The following NDUFS1 variants were observed in gnomAD, a reference collection of about 807,000 sequenced individuals.
NDUFS1 encodes the protein NADH:ubiquinone oxidoreductase core subunit S1.
A neutral mutation model predicts 84.4 loss-of-function variants in NDUFS1; 61 were observed. The observed-to-expected ratio is 0.72, with a 90% CI of 0.59 to 0.89. The LOEUF (loss-of-function observed/expected upper bound fraction) is 0.89, where lower values mean the gene tolerates loss of function less well. NDUFS1 is among the 40% of genes least tolerant of loss of function. The pLI, the probability that NDUFS1 is intolerant of heterozygous loss-of-function variation, is 0.00. For synonymous variants in NDUFS1, 275 were observed against 290.0 expected (o/e 0.95, Z 0.53); for missense variants, 891 against 890.0 (o/e 1.00, Z -0.01).
chr2:206,136,052 CTTCT>C (rs1691698376), intron 13 of NDUFS1, among the ~76,000 whole-genome samples: 1 of 136,886 alleles, frequency 7.3e-6, no homozygotes, highest in Non-Finnish European at 1.6e-5. Flanking sequence ...TTTTTTCTTT[CTTCT>C]TTTTGTTTTT....
chr2:206,132,986 A>G lies in NDUFS1; in HGVS notation c.1512T>C (p.Ser504=). Residue 504 remains serine (S), a synonymous_variant, in exon 14 of 19, where the codon AGT becomes AGC. Coordinates refer to ENST00000233190, the MANE Select transcript of NDUFS1 (RefSeq NM_005006.7). ...TAACTTTCCAATCACCAGTAACACC[A>G]CTAGTCATCCGAATCTTTTGTGCAA... ...SSIAQKIRMT[S]GVTGDWKVMN... 6.2e-7 allele frequency: 1 copy of G among 1,614,024 alleles called. No homozygotes were observed. The highest frequency in any genetic ancestry group is 1.1e-5 in the South Asian group (1 of 91,068).
intron 8 of NDUFS1, among the ~76,000 whole-genome samples, chr2:206,145,990 C>A (rs1043547753): frequency 6.6e-6 from 1 of 152,182 alleles, no homozygotes; most frequent in African/African-American, 2.4e-5. Context: ...TCAACCTATT[C>A]ATAAACTCCT....
At chr2:206,143,099 A>G (rs1692026310) in intron 10 of NDUFS1, among the ~76,000 whole-genome samples, 1 of 152,162 alleles carries the variant, frequency 6.6e-6, no homozygotes, top group African/African-American at 2.4e-5. Context: ...TAATAATACA[A>G]AAATCAGCTG....
At position 206,119,759 on chromosome 2, in the gene NDUFS1, C is replaced by G. The variant is rs1356070222; in HGVS notation, c.*4426G>C. 6.6e-6 allele frequency: 1 copy of G among 151,986 alleles called. No homozygotes were observed. The highest frequency in any genetic ancestry group is 1.5e-5 in the Non-Finnish European group (1 of 68,026). The allele number at this position is 151,986 out of a possible 1,614,324, so 9.4% of individuals were successfully genotyped here. On this transcript the variant is annotated 3_prime_UTR_variant, in exon 19 of 19. Transcript: ENST00000233190. ...GTATTCATTATAATACAATTTACTA[C>G]AAATTTGAGGGGGGAGGCTTTCCAT...
rs1388436471 is a variant in NDUFS1, at chr2:206,159,381, T to C, written c.-45A>G. ...GCGGAGGCTGTTCTGCTAAACTGTC[T>C]GGACCACGACGACCCCCTAGGAGGC... On this transcript the variant is annotated 5_prime_UTR_variant, in exon 1 of 19. Transcript: ENST00000233190. 7.1e-6 allele frequency: 4 copies of C among 567,044 alleles called. No homozygotes were observed. Among genetic ancestry groups the C allele is most frequent in the East Asian group, 5.8e-5 (2 of 34,778 alleles). 35.1% of individuals were successfully genotyped at this position (567,044 alleles called of 1,614,324 possible). A position where few individuals can be genotyped will look rare whatever the true frequency, so the allele number is the denominator to read the frequency against.
rs1312308273 is a variant in NDUFS1 at position 206,120,185 on chromosome 2, G to A, written c.*4000C>T. 6.6e-6 allele frequency: 1 copy of A among 152,250 alleles called. No homozygotes were observed. The highest frequency in any genetic ancestry group is 2.4e-5 in the African/African-American group (1 of 41,442). 9.4% of individuals were successfully genotyped at this position (152,250 alleles called of 1,614,324 possible). On this transcript the variant is annotated 3_prime_UTR_variant, in exon 19 of 19. Coordinates refer to ENST00000233190, the MANE Select transcript of NDUFS1 (RefSeq NM_005006.7). Reference sequence around the variant, plus strand: ...TGTGTACAGCCTGCAGAAACTGTAAGCCAATTAAATCTCTCTTTTGCAAGA... The same window carrying A: ...TGTGTACAGCCTGCAGAAACTGTAAACCAATTAAATCTCTCTTTTGCAAGA...
intron 1 of NDUFS1, among the ~76,000 whole-genome samples, chr2:206,154,393 G>T (rs1687548421): frequency 6.6e-6 from 1 of 152,194 alleles, no homozygotes; most frequent in African/African-American, 2.4e-5. Context: ...TCACAAACAA[G>T]GGGAAGTTAC....
chr2:206,148,708 A>C (rs958634097), intron 5 of NDUFS1, among the ~76,000 whole-genome samples: 3 of 152,196 alleles, frequency 2.0e-5, no homozygotes, highest in African/African-American at 7.2e-5. Flanking sequence ...ACATTAATTC[A>C]AAATAAAAAC....
At chr2:206,154,852 T>C (rs1687578351) in intron 1 of NDUFS1, among the ~76,000 whole-genome samples, 1 of 151,894 alleles carries the variant, frequency 6.6e-6, no homozygotes, top group Admixed American at 6.6e-5. Flanking sequence ...CTCGAACTCC[T>C]GACTTCATGA....
chr2:206,156,225 T>A (rs1353583578), intron 1 of NDUFS1, among the ~76,000 whole-genome samples: 2 of 141,104 alleles, frequency 1.4e-5, no homozygotes, highest in Non-Finnish European at 3.0e-5. Flanking sequence ...ATCACGCCAC[T>A]GCACTCCAGC....
intron 13 of NDUFS1, 54 bp downstream of exon 13, chr2:206,138,431 T>G: frequency 6.4e-7 from 1 of 1,573,450 alleles, no homozygotes; most frequent in African/African-American, 1.4e-5. Flanking sequence ...CAGTTAAGTT[T>G]AAATAATAAT....
intron 3 of NDUFS1, 29 bp from the exon 4 acceptor site, chr2:206,149,954 AAAAAGC>A: frequency 7.1e-7 from 1 of 1,406,404 alleles, no homozygotes. Flanking sequence ...AAAAAAAAAA[AAAAAGC>A]ATTAGAATAA....
rs138148051 is a variant in NDUFS1 at position 206,152,384 on chromosome 2, A to C, written c.153+35T>G. ...AAATTAGTATTTTTAAAAAAATCAGAACACACACACAAAATAGTTAGAATG... is the reference window on the plus strand; with the variant it reads ...AAATTAGTATTTTTAAAAAAATCAGCACACACACACAAAATAGTTAGAATG... On this transcript the variant is annotated intron_variant, in intron 3 of 18. Transcript: ENST00000233190. 186 of 1,532,776 alleles carry C rather than the reference A, an allele frequency of 1.2e-4. No individual in the cohort carries two copies. The East Asian group carries it at 3.6e-3, about 30-fold the overall frequency. The allele number at this position is 1,532,776 out of a possible 1,614,324, so 94.9% of individuals were successfully genotyped here. A position where few individuals can be genotyped will look rare whatever the true frequency, so the allele number is the denominator to read the frequency against.
chr2:206,116,464 G>T lies in NDUFS1; in HGVS notation c.*7721C>A. The T allele has an allele frequency of 9.0e-7, 1 of 1,114,616 alleles. No individual in the cohort carries two copies. 69.0% of individuals were successfully genotyped at this position (1,114,616 alleles called of 1,614,324 possible). A position where few individuals can be genotyped will look rare whatever the true frequency, so the allele number is the denominator to read the frequency against. On this transcript the variant is annotated 3_prime_UTR_variant, in exon 19 of 19. Transcript: ENST00000233190. Reference sequence around the variant, plus strand: ...GCCAGGACCACGTGCAGGCTGCAGAGCACGGCCCGCACGCTCCGCACCACT... The same window carrying T: ...GCCAGGACCACGTGCAGGCTGCAGATCACGGCCCGCACGCTCCGCACCACT...
At chr2:206,125,324 T>A (rs1472909535) in intron 18 of NDUFS1, among the ~76,000 whole-genome samples, 1 of 152,008 alleles carries the variant, frequency 6.6e-6, no homozygotes, top group Non-Finnish European at 1.5e-5. Context: ...TAGCTGGATG[T>A]GGTGGTATGC....
chr2:206,117,513 C>CA lies in NDUFS1; in HGVS notation c.*6671dup, dbSNP rs1332775426. 6.6e-6 allele frequency: 1 copy of CA among 152,260 alleles called. No homozygotes were observed. The highest frequency in any genetic ancestry group is 1.5e-5 in the Non-Finnish European group (1 of 68,056). The allele number at this position is 152,260 out of a possible 1,614,324, so 9.4% of individuals were successfully genotyped here. ...GCAGTGGCGCGATCTGGGATCACTG[C>CA]AACCTCCGCCTCCCAGGTTTAAGCA... On this transcript the variant is annotated 3_prime_UTR_variant, in exon 19 of 19. Transcript: ENST00000233190.
At chr2:206,145,855 G>A (rs139000984) in intron 8 of NDUFS1, among the ~76,000 whole-genome samples, 2 of 152,300 alleles carry the variant, frequency 1.3e-5, no homozygotes, top group African/African-American at 4.8e-5. Flanking sequence ...GTTTGTGGAG[G>A]TGATACTTTG....
At position 206,121,298 on chromosome 2, in the gene NDUFS1, G is replaced by A. The variant is rs1691088406; in HGVS notation, c.*2887C>T. 6.6e-6 allele frequency: 1 copy of A among 152,038 alleles called. No homozygotes were observed. The highest frequency in any genetic ancestry group is 1.5e-5 in the Non-Finnish European group (1 of 68,010). The allele number at this position is 152,038 out of a possible 1,614,324, so 9.4% of individuals were successfully genotyped here. A position where few individuals can be genotyped will look rare whatever the true frequency, so the allele number is the denominator to read the frequency against. ...CCAGACAGGTTACTCTCATCTACGT[G>A]TATTTTTCTTACATCTTTTTCAGTC... On this transcript the variant is annotated 3_prime_UTR_variant, in exon 19 of 19. Coordinates refer to ENST00000233190, the MANE Select transcript of NDUFS1 (RefSeq NM_005006.7).
At chr2:206,157,168 T>C (rs142077738) in intron 1 of NDUFS1, among the ~76,000 whole-genome samples, 1 of 152,326 alleles carries the variant, frequency 6.6e-6, no homozygotes, top group East Asian at 1.9e-4. Context: ...GCCAGGCTGG[T>C]CTCAAACTCC....
Sources: allele counts gnomAD v4.1 joint callset (sites outside exome capture counted in the v4.1 genomes callset), GRCh38; gene constraint gnomAD v4.1.1; transcripts MANE v1.5; gene names NCBI Gene and HGNC (gene_info 2026-07-23, HGNC 2026-07-21).